Variants in TRIO observed in about 807,000 individuals in gnomAD.
TRIO encodes the protein trio Rho guanine nucleotide exchange factor, also known as triple functional domain protein.
A neutral mutation model predicts 351.9 loss-of-function variants in TRIO; 58 were observed. The observed-to-expected ratio is 0.16, with a 90% CI of 0.13 to 0.21. The LOEUF is 0.21. TRIO is among the 10% of genes least tolerant of loss of function. The pLI is 1.00. For missense variants in TRIO, 3,201 were observed against 4,027.8 expected (o/e 0.79, Z 5.56); for synonymous variants, 1,758 against 1,595.7 (o/e 1.10, Z -2.42).
At chr5:14,476,826 G>A in intron 40 of TRIO, 68 bp from the exon 41 acceptor site, 2 of 1,296,252 alleles carry the variant, frequency 1.5e-6, no homozygotes, top group Non-Finnish European at 2.2e-6. Context: ...AAGAAAAAAT[G>A]TAAACCTAAA....
chr5:14,395,584 G>T (rs1232891082), intron 28 of TRIO, among the ~76,000 whole-genome samples: 1 of 152,192 alleles, frequency 6.6e-6, no homozygotes, highest in Non-Finnish European at 1.5e-5. Context: ...TTGCCATGCT[G>T]CTTAGAATCA....
Position 14,504,323 on chromosome 5 carries a change from G to T in TRIO, c.8412-70G>T, listed in dbSNP as rs941378683. On this transcript the variant is annotated intron_variant, in intron 54 of 56. Coordinates refer to ENST00000344204, the MANE Select transcript of TRIO (RefSeq NM_007118.4). ...GCCACCACACAGCCAGTCCATTTAG[G>T]ATAACAGAGTCTTTCTCGGTGCCAG... is the stretch of plus-strand genomic sequence containing the variant. The T allele has an allele frequency of 1.6e-5, 25 of 1,550,370 alleles. No homozygotes were observed. In the African/African-American group the frequency reaches 2.3e-4, roughly 14 times the overall value.
At chr5:14,352,844 C>T (rs542358721) in intron 11 of TRIO, among the ~76,000 whole-genome samples, 1 of 151,516 alleles carries the variant, frequency 6.6e-6, no homozygotes, top group East Asian at 1.9e-4. Context: ...ATCCAGTGTG[C>T]GGTAAAATAT....
chr5:14,379,475 C>T (rs1279304260), intron 20 of TRIO, among the ~76,000 whole-genome samples: 1 of 152,236 alleles, frequency 6.6e-6, no homozygotes, highest in Non-Finnish European at 1.5e-5. Flanking sequence ...GGCGCCCCAC[C>T]TTGGTCCTTC....
rs1266731047 is a variant in TRIO at position 14,387,080 on chromosome 5, A to G, written c.3571-358A>G. Reference sequence around the variant, plus strand: ...ATAGAGCGAGGAGCTGTCTTTGCTCAGCGGCTTTGAGGAGAGTAGCAGCAT... The same window carrying G: ...ATAGAGCGAGGAGCTGTCTTTGCTCGGCGGCTTTGAGGAGAGTAGCAGCAT... On this transcript the variant is annotated intron_variant, in intron 21 of 56. Coordinates refer to ENST00000344204, the MANE Select transcript of TRIO (RefSeq NM_007118.4). Among the ~76,000 whole-genome samples the G allele has an allele frequency of 4.6e-5, 7 of 152,264 alleles. No individual in the cohort carries two copies. The East Asian group carries it at 1.3e-3, about 29-fold the overall frequency.
chr5:14,327,498 T>C (rs1740491693), intron 9 of TRIO, among the ~76,000 whole-genome samples: 1 of 152,146 alleles, frequency 6.6e-6, no homozygotes, highest in South Asian at 2.1e-4. Context: ...AAATGTTGTA[T>C]TTTGCTTCCT....
chr5:14,428,442 T>G (rs1750825156), intron 34 of TRIO, among the ~76,000 whole-genome samples: 1 of 152,222 alleles, frequency 6.6e-6, no homozygotes, highest in South Asian at 2.1e-4. Context: ...CAGCTGCTAA[T>G]GTCAATTCCT....
chr5:14,330,912 G>T lies in TRIO; in HGVS notation c.1854+12G>T, dbSNP rs890998634. 1.2e-6 allele frequency: 2 copies of T among 1,613,618 alleles called. No individual in the cohort carries two copies. The highest frequency in any genetic ancestry group is 1.7e-6 in the Non-Finnish European group (2 of 1,179,736). ...AAGAAGTGGCACAGGTAAAACAATG[G>T]CTTCTATTATTTTATCCCATAAATA... On this transcript the variant is annotated intron_variant, in intron 10 of 56. Coordinates refer to ENST00000344204, the MANE Select transcript of TRIO (RefSeq NM_007118.4).
At chr5:14,255,701 CATAACCTGAAGGTA>C (rs1184080221) in intron 1 of TRIO, among the ~76,000 whole-genome samples, 1 of 152,192 alleles carries the variant, frequency 6.6e-6, no homozygotes, top group Non-Finnish European at 1.5e-5. Context: ...ACCTTATACA[CATAACCTGAAGGTA>C]ATTTTATACA....
At chr5:14,269,503 G>T (rs1307733843) in intron 1 of TRIO, among the ~76,000 whole-genome samples, 1 of 152,140 alleles carries the variant, frequency 6.6e-6, no homozygotes, top group Non-Finnish European at 1.5e-5. Context: ...ATCCTTAGCA[G>T]GGCTGCTTGG....
intron 3 of TRIO, among the ~76,000 whole-genome samples, chr5:14,283,347 C>T (rs1373474325): frequency 2.0e-5 from 3 of 152,184 alleles, no homozygotes; most frequent in Non-Finnish European, 4.4e-5. Context: ...TAGACAGTCA[C>T]AGGGCTGGTG....
At chr5:14,259,085 T>C (rs1184715445) in intron 1 of TRIO, among the ~76,000 whole-genome samples, 1 of 152,238 alleles carries the variant, frequency 6.6e-6, no homozygotes, top group East Asian at 1.9e-4. Context: ...GATTTCCTTC[T>C]GAGGCTTCCC....
At chr5:14,170,303 A>G (rs1330167578) in intron 1 of TRIO, among the ~76,000 whole-genome samples, 1 of 152,140 alleles carries the variant, frequency 6.6e-6, no homozygotes. Context: ...GAGAGATTAT[A>G]GTAGTTTGTA....
At chr5:14,398,542 G>C (rs1462575208) in intron 29 of TRIO, among the ~76,000 whole-genome samples, 2 of 152,194 alleles carry the variant, frequency 1.3e-5, no homozygotes, top group Admixed American at 1.3e-4. Flanking sequence ...GCTTTCGGTG[G>C]TGGGATGCTG....
At chr5:14,233,443 T>C (rs1793582360) in intron 1 of TRIO, among the ~76,000 whole-genome samples, 1 of 151,730 alleles carries the variant, frequency 6.6e-6, no homozygotes, top group South Asian at 2.1e-4. Context: ...TGAGCTAATA[T>C]GGCACCACTG....
intron 1 of TRIO, among the ~76,000 whole-genome samples, chr5:14,201,335 T>C (rs1197262869): frequency 2.6e-5 from 4 of 152,260 alleles, no homozygotes; most frequent in Non-Finnish European, 4.4e-5. Context: ...TTCTGCTTCT[T>C]GTTTTACCTT....
intron 1 of TRIO, among the ~76,000 whole-genome samples, chr5:14,255,778 G>A (rs1038157006): frequency 6.6e-6 from 1 of 152,168 alleles, no homozygotes; most frequent in Non-Finnish European, 1.5e-5. Flanking sequence ...ATTGAGACCT[G>A]TCACATTAGG....
rs1326200220 is a variant in TRIO at position 14,349,231 on chromosome 5, GTGTT to G, written c.2047-8943_2047-8940del. 3.0e-4 allele frequency among the ~76,000 whole-genome samples: 42 copies of G among 141,828 alleles called. 1 individual carries two copies. The highest frequency in any genetic ancestry group is 5.6e-4 in the Admixed American group (8 of 14,224). The allele number at this position is 141,828 out of a possible 152,430, so 93.0% of individuals were successfully genotyped here. On this transcript the variant is annotated intron_variant, in intron 11 of 56. Coordinates refer to ENST00000344204, the MANE Select transcript of TRIO (RefSeq NM_007118.4). ...ACATGATCATGTGTGTTTTTCCTGT[GTGTT>G]TGTGTGTGCACACACGTGAGCATGT...
At chr5:14,239,703 A>G (rs1794013037) in intron 1 of TRIO, among the ~76,000 whole-genome samples, 1 of 152,030 alleles carries the variant, frequency 6.6e-6, no homozygotes, top group East Asian at 1.9e-4. Flanking sequence ...TCTTTCCACT[A>G]TTGTCTGCGT....
Sources: allele counts gnomAD v4.1 joint callset (sites outside exome capture counted in the v4.1 genomes callset), GRCh38; gene constraint gnomAD v4.1.1; transcripts MANE v1.5; gene names NCBI Gene and HGNC (gene_info 2026-07-23, HGNC 2026-07-21).